KLF12: variants seen among roughly 807,000 people sequenced by gnomAD.
KLF12 encodes KLF transcription factor 12, also known as Krueppel-like factor 12.
A neutral mutation model predicts 37.8 loss-of-function variants in KLF12; 9 were observed. That is an observed-to-expected ratio of 0.24 (90% CI 0.14 to 0.42). KLF12 has a LOEUF of 0.42. Ranked by LOEUF, KLF12 falls within the 10% of genes least tolerant of loss-of-function variation. KLF12 has a pLI of 1.00. For synonymous variants in KLF12, 208 were observed against 202.1 expected (o/e 1.03, Z -0.25); for missense variants, 411 against 516.0 (o/e 0.80, Z 1.97).
intron 6 of KLF12, among the ~76,000 whole-genome samples, chr13:73,738,102 T>TACACACACAC (rs1566331080): frequency 7.1e-5 from 7 of 98,582 alleles, no homozygotes; most frequent in African/African-American, 2.2e-4. Context: ...CATATATATA[T>TACACACACAC]ATATATATAT....
chr13:74,240,920 G>A, the KLF12 span, among the ~76,000 whole-genome samples: 12 of 149,204 alleles, frequency 8.0e-5, no homozygotes, highest in South Asian at 2.1e-4. Context: ...TAATTTGATC[G>A]TCTGAAGCCT....
intron 5 of KLF12, among the ~76,000 whole-genome samples, chr13:73,789,715 C>T (rs1200578846): frequency 2.7e-5 from 4 of 150,132 alleles, no homozygotes; most frequent in Non-Finnish European, 4.4e-5. Context: ...CTCGCTCTGT[C>T]GCCCAGGCTG....
At chr13:74,097,496 C>G (rs1242007209) in intron 1 of KLF12, among the ~76,000 whole-genome samples, 1 of 152,096 alleles carries the variant, frequency 6.6e-6, no homozygotes, top group Non-Finnish European at 1.5e-5. Flanking sequence ...TCTTGAATTT[C>G]TAAAATCCAT....
intron 1 of KLF12, among the ~76,000 whole-genome samples, chr13:74,071,514 G>A (rs373103798): frequency 0.028 from 3,034 of 108,646 alleles, 112 homozygotes; most frequent in African/African-American, 0.081. Flanking sequence ...GTGAAACCCC[G>A]TCTCTACTAA....
chr13:73,840,509 C>T (rs1884683014), intron 4 of KLF12, among the ~76,000 whole-genome samples: 1 of 152,110 alleles, frequency 6.6e-6, no homozygotes, highest in Admixed American at 6.6e-5. Context: ...CCTCTCTCAA[C>T]CCCACTGTGC....
At chr13:73,807,668 G>A (rs1385127345) in intron 5 of KLF12, among the ~76,000 whole-genome samples, 1 of 152,140 alleles carries the variant, frequency 6.6e-6, no homozygotes, top group Admixed American at 6.5e-5. Context: ...ATCAAAATCA[G>A]AGAGAGTAGA....
intron 3 of KLF12, among the ~76,000 whole-genome samples, chr13:73,877,324 C>A (rs185487858): frequency 6.6e-6 from 1 of 152,220 alleles, no homozygotes; most frequent in East Asian, 1.9e-4. Context: ...TTATAAAATG[C>A]CTTTTTTTAG....
chr13:73,713,641 A>G, intron 7 of KLF12, among the ~76,000 whole-genome samples: 1 of 152,246 alleles, frequency 6.6e-6, no homozygotes, highest in East Asian at 1.9e-4. Flanking sequence ...ATAGCATTCA[A>G]GGTTCAGATT....
chr13:73,894,562 C>T, intron 3 of KLF12, among the ~76,000 whole-genome samples: 1 of 152,194 alleles, frequency 6.6e-6, no homozygotes, highest in East Asian at 1.9e-4. Context: ...GCCCACTCTA[C>T]TAAACTCATC....
the KLF12 span, among the ~76,000 whole-genome samples, chr13:74,153,441 C>T: frequency 1.3e-5 from 2 of 152,194 alleles, no homozygotes; most frequent in East Asian, 3.9e-4. Flanking sequence ...CAAGTTATAG[C>T]TGGTCCAGCC....
intron 1 of KLF12, among the ~76,000 whole-genome samples, chr13:74,095,369 T>C (rs182409989): frequency 2.1e-5 from 3 of 143,606 alleles, no homozygotes; most frequent in Admixed American, 1.4e-4. Flanking sequence ...CAGTGAATAC[T>C]TGTAGTGCCT....
At chr13:73,721,355 C>T (rs1337510517) in intron 6 of KLF12, among the ~76,000 whole-genome samples, 1 of 152,194 alleles carries the variant, frequency 6.6e-6, no homozygotes, top group Non-Finnish European at 1.5e-5. Context: ...ATATCTATAG[C>T]ATTTAAATTT....
chr13:73,940,013 G>A (rs1296028013), intron 3 of KLF12, among the ~76,000 whole-genome samples: 2 of 152,168 alleles, frequency 1.3e-5, no homozygotes, highest in Non-Finnish European at 2.9e-5. Flanking sequence ...CCTGGAGATA[G>A]AAAATAACTT....
intron 1 of KLF12, among the ~76,000 whole-genome samples, chr13:74,133,323 TC>T (rs1201887688): frequency 9.2e-5 from 7 of 76,100 alleles, no homozygotes; most frequent in East Asian, 3.8e-4. Context: ...GAGCCCCCCC[TC>T]CCCCCCAAGT....
At chr13:73,930,859 CA>C (rs1272230547) in intron 3 of KLF12, among the ~76,000 whole-genome samples, 1 of 108,870 alleles carries the variant, frequency 9.2e-6, no homozygotes, top group Non-Finnish European at 1.9e-5. Flanking sequence ...TAACTGGAAA[CA>C]TTTTTTTTTT....
intron 1 of KLF12, among the ~76,000 whole-genome samples, chr13:74,059,539 A>C (rs1395548368): frequency 1.3e-5 from 2 of 152,182 alleles, no homozygotes; most frequent in African/African-American, 4.8e-5. Flanking sequence ...TCTCTGATTA[A>C]TGATGTTGAG....
chr13:74,278,127 C>T, the KLF12 span, among the ~76,000 whole-genome samples: 3 of 152,146 alleles, frequency 2.0e-5, no homozygotes, highest in East Asian at 1.9e-4. Context: ...TTGAGACGTC[C>T]ACCACCTCTG....
At chr13:73,777,099 G>A (rs1051423457) in intron 5 of KLF12, among the ~76,000 whole-genome samples, 2 of 152,194 alleles carry the variant, frequency 1.3e-5, no homozygotes, top group Non-Finnish European at 2.9e-5. Flanking sequence ...TGATTACTTC[G>A]AGAGGTCAGA....
At chr13:73,725,875 A>G (rs546736598) in intron 6 of KLF12, among the ~76,000 whole-genome samples, 51 of 81,554 alleles carry the variant, frequency 6.3e-4, no homozygotes, top group Non-Finnish European at 1.4e-3. Context: ...TTATTTATTT[A>G]TTTATTTTTT....
Sources: gnomAD v4.1 joint callset for allele counts (sites outside exome capture counted in the v4.1 genomes callset) on GRCh38, gnomAD v4.1.1 for gene constraint, MANE v1.5 for transcripts, NCBI Gene and HGNC (gene_info 2026-07-23, HGNC 2026-07-21) for gene names.